LAMA2: variants seen among roughly 807,000 people sequenced by gnomAD.
LAMA2 encodes the protein laminin subunit alpha 2, also known as laminin subunit alpha-2.
LAMA2 carries 269 observed loss-of-function variants against 364.8 expected under a neutral mutation model. That is an observed-to-expected ratio of 0.74 (90% CI 0.67 to 0.82). The LOEUF (loss-of-function observed/expected upper bound fraction) is 0.82. LAMA2 is among the 40% of genes least tolerant of loss of function. The pLI is 0.00. For missense variants in LAMA2, 3,807 were observed against 3,873.2 expected (o/e 0.98, Z 0.45); for synonymous variants, 1,379 against 1,370.6 (o/e 1.01, Z -0.14).
chr6:129,245,305 C>A (rs1785675837), intron 12 of LAMA2, among the ~76,000 whole-genome samples: 1 of 152,096 alleles, frequency 6.6e-6, no homozygotes, highest in Non-Finnish European at 1.5e-5. Flanking sequence ...AGAATTGCCT[C>A]AAAGTGAACT....
At chr6:129,385,709 C>T (rs781002053) in intron 35 of LAMA2, among the ~76,000 whole-genome samples, 4 of 152,098 alleles carry the variant, frequency 2.6e-5, no homozygotes, top group South Asian at 2.1e-4. Context: ...TTTTATTCCA[C>T]GCATTATTAG....
intron 46 of LAMA2, among the ~76,000 whole-genome samples, chr6:129,453,459 A>G (rs1562578129): frequency 6.6e-6 from 1 of 152,194 alleles, no homozygotes; most frequent in African/African-American, 2.4e-5. Flanking sequence ...TTATTTATTT[A>G]TCTTATTTAC....
At chr6:128,898,662 A>G (rs1313917964) in intron 1 of LAMA2, among the ~76,000 whole-genome samples, 1 of 152,162 alleles carries the variant, frequency 6.6e-6, no homozygotes. Flanking sequence ...TCAATTTTCC[A>G]TGCAATAGGC....
chr6:129,061,167 G>C (rs1296903874), intron 3 of LAMA2, among the ~76,000 whole-genome samples: 1 of 152,148 alleles, frequency 6.6e-6, no homozygotes, highest in African/African-American at 2.4e-5. Context: ...TCCTGATAAA[G>C]ACAACTTTGT....
intron 1 of LAMA2, among the ~76,000 whole-genome samples, chr6:128,960,609 C>A (rs568680767): frequency 1.3e-5 from 2 of 152,324 alleles, no homozygotes; most frequent in Admixed American, 1.3e-4. Context: ...ATCCACCCGC[C>A]TGGTCCTCCC....
At chr6:129,435,463 G>A (rs1781788273) in intron 41 of LAMA2, among the ~76,000 whole-genome samples, 2 of 152,088 alleles carry the variant, frequency 1.3e-5, no homozygotes, top group African/African-American at 4.8e-5. Context: ...TTATAAGAAA[G>A]ATGAATTGTG....
rs746069321 is a variant in LAMA2 at position 129,486,594 on chromosome 6, C to T, written c.7870C>T (p.His2624Tyr). Residue 2624 changes from histidine to tyrosine, a missense_variant, in exon 56 of 65, where the codon CAT (histidine) becomes TAT (tyrosine). Coordinates refer to ENST00000421865, the MANE Select transcript of LAMA2 (RefSeq NM_000426.4). ...EPNLFHDGRE[H>Y]SVHVERTRGI... ...GAATCTGTTTCATGATGGAAGAGAA[C>T]ATTCCGTTCATGTAGAGCGAACTAG... 6.2e-6 allele frequency: 10 copies of T among 1,613,826 alleles called. No individual in the cohort carries two copies. Among genetic ancestry groups the T allele is most frequent in the Non-Finnish European group, 8.5e-6 (10 of 1,179,754 alleles).
Position 128,917,205 on chromosome 6 carries a change from AAT to A in LAMA2, c.112+33853_112+33854del, listed in dbSNP as rs1430275535. ...AAAAAAAAAAACTAATTACAGAATT[AAT>A]ATATGTTTACTATGTACTTACTACA... is the stretch of plus-strand genomic sequence containing the variant. On this transcript the variant is annotated intron_variant, in intron 1 of 64. Coordinates refer to ENST00000421865, the MANE Select transcript of LAMA2 (RefSeq NM_000426.4). 3.3e-5 allele frequency among the ~76,000 whole-genome samples: 5 copies of A among 152,046 alleles called. No homozygotes were observed. The South Asian group carries it at 1.0e-3, about 31-fold the overall frequency.
intron 1 of LAMA2, among the ~76,000 whole-genome samples, chr6:128,939,945 TC>T (rs2114538573): frequency 6.6e-6 from 1 of 152,258 alleles, no homozygotes; most frequent in South Asian, 2.1e-4. Context: ...CTTCACGGCA[TC>T]CAGAATGATG....
intron 62 of LAMA2, among the ~76,000 whole-genome samples, chr6:129,511,887 A>G (rs1786613027): frequency 6.6e-6 from 1 of 152,136 alleles, no homozygotes. Flanking sequence ...AACCTTTCAG[A>G]TGATTGTGGC....
At chr6:128,899,557 T>C (rs1776958794) in intron 1 of LAMA2, among the ~76,000 whole-genome samples, 1 of 152,332 alleles carries the variant, frequency 6.6e-6, no homozygotes, top group African/African-American at 2.4e-5. Context: ...AAGCAGCTCT[T>C]TTTGGACAGA....
intron 4 of LAMA2, among the ~76,000 whole-genome samples, chr6:129,123,457 A>T (rs1361021095): frequency 6.6e-6 from 1 of 152,130 alleles, no homozygotes; most frequent in Non-Finnish European, 1.5e-5. Context: ...CATTATTCAC[A>T]ATAGTCAAGA....
intron 4 of LAMA2, among the ~76,000 whole-genome samples, chr6:129,131,469 C>T (rs531144109): frequency 6.6e-6 from 1 of 152,182 alleles, no homozygotes; most frequent in Non-Finnish European, 1.5e-5. Context: ...GGGCATGGCC[C>T]TGCAGCTCCC....
intron 40 of LAMA2, among the ~76,000 whole-genome samples, chr6:129,419,412 T>C (rs1780960309): frequency 6.6e-6 from 1 of 152,086 alleles, no homozygotes; most frequent in Admixed American, 6.5e-5. Flanking sequence ...CTAAGAATGG[T>C]ATCTAACTTA....
intron 12 of LAMA2, among the ~76,000 whole-genome samples, chr6:129,217,373 A>G (rs1254983936): frequency 6.6e-6 from 1 of 152,182 alleles, no homozygotes; most frequent in Non-Finnish European, 1.5e-5. Context: ...GCACATGAAT[A>G]CCAAATTATT....
Position 129,445,835 on chromosome 6 carries a change from A to G in LAMA2, c.6429+14A>G. The G allele has an allele frequency of 3.1e-6, 5 of 1,604,790 alleles. No individual in the cohort carries two copies. The highest frequency in any genetic ancestry group is 4.3e-6 in the Non-Finnish European group (5 of 1,171,730). On this transcript the variant is annotated intron_variant, in intron 45 of 64. Transcript: ENST00000421865. ...CAAGCCAATTCTGTAAGTTCTTTTT[A>G]TCGTCAGTATCAGTAACTGATTGTA...
intron 47 of LAMA2, 96 bp downstream of exon 47, chr6:129,454,384 T>C (rs1233893066): frequency 5.3e-6 from 5 of 939,838 alleles, no homozygotes; most frequent in Admixed American, 2.0e-5. Context: ...TTCAATAAGG[T>C]AACTGTGTAT....
Position 128,966,574 on chromosome 6 carries a change from G to A in LAMA2, c.112+83217G>A, listed in dbSNP as rs557333713. ...TAAGGCCTCAGAGAATGTTCCAGCT[G>A]TTCTTAAGAAAGACATTGTATATAA... On this transcript the variant is annotated intron_variant, in intron 1 of 64. Transcript: ENST00000421865. Among the ~76,000 whole-genome samples, 10 of 152,190 alleles carry A rather than the reference G, an allele frequency of 6.6e-5. No homozygotes were observed. In the South Asian group the frequency reaches 2.1e-3, roughly 32 times the overall value.
rs536449125 is a variant in LAMA2 at position 129,132,347 on chromosome 6, T to C, written c.640-11554T>C. On this transcript the variant is annotated intron_variant, in intron 4 of 64. Transcript: ENST00000421865. ...ACGCCTGGCTAATTTTTTGTATTTT[T>C]AGTAGAGACGGGGTTTCACTGTGTT... is the stretch of plus-strand genomic sequence containing the variant. Among the ~76,000 whole-genome samples, 426 of 152,168 alleles carry C rather than the reference T, an allele frequency of 2.8e-3. 1 individual carries two copies. Among genetic ancestry groups the C allele is most frequent in the Admixed American group, 4.8e-3 (73 of 15,296 alleles).
Sources: allele counts gnomAD v4.1 joint callset (sites outside exome capture counted in the v4.1 genomes callset), GRCh38; gene constraint gnomAD v4.1.1; transcripts MANE v1.5; gene names NCBI Gene and HGNC (gene_info 2026-07-23, HGNC 2026-07-21).